RABGAP1L: variants seen among roughly 807,000 people sequenced by gnomAD.
The protein encoded by RABGAP1L is RAB GTPase activating protein 1 like.
Under a neutral mutation model 137.7 loss-of-function variants are expected in RABGAP1L, and 63 were observed. That is an observed-to-expected ratio of 0.46 (90% CI 0.37 to 0.56). The LOEUF is 0.56. RABGAP1L is among the 20% of genes least tolerant of loss of function. The pLI is 0.00. For synonymous variants in RABGAP1L, 431 were observed against 433.7 expected (o/e 0.99, Z 0.08); for missense variants, 1,095 against 1,244.0 (o/e 0.88, Z 1.80).
chr1:174,961,339 C>A (rs1438525308), intron 20 of RABGAP1L, among the ~76,000 whole-genome samples: 1 of 152,076 alleles, frequency 6.6e-6, no homozygotes, highest in Non-Finnish European at 1.5e-5. Context: ...AGTAACTAAG[C>A]CCTTAATAAG....
chr1:174,512,074 G>C (rs1215208366), intron 13 of RABGAP1L, among the ~76,000 whole-genome samples: 1 of 152,100 alleles, frequency 6.6e-6, no homozygotes, highest in Non-Finnish European at 1.5e-5. Flanking sequence ...ATAATGTATA[G>C]TGATCAGGGT....
Position 174,932,741 on chromosome 1 carries a change from A to G in RABGAP1L, c.2341-24716A>G, listed in dbSNP as rs527406349. 4.6e-4 allele frequency among the ~76,000 whole-genome samples: 70 copies of G among 152,110 alleles called. 1 individual carries two copies. Among genetic ancestry groups the G allele is most frequent in the Non-Finnish European group, 7.9e-4 (54 of 68,014 alleles). ...CATGATTTCCTGTTTATTCAGTATT[A>G]TATCTTATTCTACCATTATTTATTT... On this transcript the variant is annotated intron_variant, in intron 19 of 25. Coordinates refer to ENST00000681986, the MANE Select transcript of RABGAP1L (RefSeq NM_001366446.1).
chr1:174,941,942 A>G (rs1346390245), intron 19 of RABGAP1L, among the ~76,000 whole-genome samples: 1 of 152,202 alleles, frequency 6.6e-6, no homozygotes, highest in Middle Eastern at 3.2e-3. Flanking sequence ...CTTTCTTTGT[A>G]TCCCACATAG....
At chr1:174,191,286 A>G (rs998122605) in intron 1 of RABGAP1L, among the ~76,000 whole-genome samples, 4 of 152,222 alleles carry the variant, frequency 2.6e-5, no homozygotes, top group African/African-American at 9.7e-5. Context: ...CAGAAAAAGG[A>G]AAAACAAAAA....
At chr1:174,387,372 A>C (rs1310732436) in intron 12 of RABGAP1L, among the ~76,000 whole-genome samples, 1 of 152,236 alleles carries the variant, frequency 6.6e-6, no homozygotes, top group Non-Finnish European at 1.5e-5. Context: ...ACCTTTAAAC[A>C]GAAAATTGTG....
chr1:174,725,090 G>T (rs765968945), intron 17 of RABGAP1L, among the ~76,000 whole-genome samples: 9 of 152,158 alleles, frequency 5.9e-5, no homozygotes, highest in Non-Finnish European at 1.3e-4. Flanking sequence ...AGCCATTGAA[G>T]ATCTTTAAGC....
intron 19 of RABGAP1L, among the ~76,000 whole-genome samples, chr1:174,879,987 G>A (rs1653886069): frequency 6.6e-6 from 1 of 151,106 alleles, no homozygotes. Context: ...CAGCTACTCA[G>A]GAGACTGAGG....
At chr1:174,756,402 A>G (rs1684761629) in intron 18 of RABGAP1L, among the ~76,000 whole-genome samples, 1 of 152,078 alleles carries the variant, frequency 6.6e-6, no homozygotes, top group Admixed American at 6.6e-5. Context: ...CACCTGCCTC[A>G]GCCTCCCAAA....
At position 174,474,592 on chromosome 1, in the gene RABGAP1L, G is replaced by GATT. The variant is rs1159231453; in HGVS notation, c.1710+80449_1710+80450insTAT. ...AATATCGAACCTCTCTGATGATGAT[G>GATT]ATGATTATTATTATTATTATTATTA... is the stretch of plus-strand genomic sequence containing the variant. On this transcript the variant is annotated intron_variant, in intron 13 of 25. Coordinates refer to ENST00000681986, the MANE Select transcript of RABGAP1L (RefSeq NM_001366446.1). Among the ~76,000 whole-genome samples, 5 of 151,992 alleles carry GATT rather than the reference G, an allele frequency of 3.3e-5. No homozygotes were observed. The East Asian group carries it at 7.8e-4, about 24-fold the overall frequency.
chr1:174,294,360 A>G (rs1676904939), intron 10 of RABGAP1L, among the ~76,000 whole-genome samples: 1 of 152,294 alleles, frequency 6.6e-6, no homozygotes, highest in Middle Eastern at 3.4e-3. Flanking sequence ...CAAAGCAAAG[A>G]AGGGGATTTC....
chr1:174,610,258 A>G (rs1308232451), intron 13 of RABGAP1L, among the ~76,000 whole-genome samples: 1 of 130,344 alleles, frequency 7.7e-6, no homozygotes, highest in Non-Finnish European at 1.5e-5. Context: ...TCCTGTGTCC[A>G]TGTGTTCTCA....
intron 14 of RABGAP1L, among the ~76,000 whole-genome samples, chr1:174,658,387 TC>T (rs1289045562): frequency 6.6e-6 from 1 of 152,170 alleles, no homozygotes; most frequent in Non-Finnish European, 1.5e-5. Flanking sequence ...TATTTCCAAT[TC>T]CAATCCAACA....
At chr1:174,568,070 G>A (rs888112920) in intron 13 of RABGAP1L, among the ~76,000 whole-genome samples, 3 of 152,188 alleles carry the variant, frequency 2.0e-5, no homozygotes, top group African/African-American at 7.2e-5. Flanking sequence ...TGTACATGAA[G>A]CATAGCACCA....
At chr1:174,846,310 T>G (rs766023002) in intron 19 of RABGAP1L, among the ~76,000 whole-genome samples, 2,996 of 149,596 alleles carry the variant, frequency 0.02, 48 homozygotes, top group Middle Eastern at 0.081. Flanking sequence ...TTCTTTTAAT[T>G]GTGATGTTAG....
intron 3 of RABGAP1L, among the ~76,000 whole-genome samples, chr1:174,225,416 G>A (rs942210161): frequency 6.7e-6 from 1 of 148,630 alleles, no homozygotes; most frequent in Non-Finnish European, 1.5e-5. Flanking sequence ...TGTTTGTTGA[G>A]TAATTGGCTT....
intron 12 of RABGAP1L, among the ~76,000 whole-genome samples, chr1:174,376,291 A>G (rs1194131939): frequency 6.6e-6 from 1 of 152,186 alleles, no homozygotes; most frequent in African/African-American, 2.4e-5. Flanking sequence ...AATTCTACAT[A>G]AACTTTCCAG....
At chr1:174,363,037 A>C (rs531334278) in intron 11 of RABGAP1L, among the ~76,000 whole-genome samples, 2 of 152,302 alleles carry the variant, frequency 1.3e-5, no homozygotes, top group Admixed American at 6.5e-5. Flanking sequence ...CATTTATTGA[A>C]TAGGGAATCG....
At chr1:174,443,605 T>G (rs995634165) in intron 13 of RABGAP1L, among the ~76,000 whole-genome samples, 1 of 152,126 alleles carries the variant, frequency 6.6e-6, no homozygotes, top group African/African-American at 2.4e-5. Context: ...ATGGATAGTT[T>G]GCAAATATTT....
intron 11 of RABGAP1L, among the ~76,000 whole-genome samples, chr1:174,322,230 A>G (rs1416845658): frequency 6.6e-6 from 1 of 151,852 alleles, no homozygotes; most frequent in Non-Finnish European, 1.5e-5. Flanking sequence ...TAGGTCTGTT[A>G]TCTATTTGTT....
Sources: allele counts gnomAD v4.1 joint callset (sites outside exome capture counted in the v4.1 genomes callset), GRCh38; gene constraint gnomAD v4.1.1; transcripts MANE v1.5; gene names NCBI Gene and HGNC (gene_info 2026-07-23, HGNC 2026-07-21).